The following TMEM69 variants were observed in gnomAD, a reference collection of about 807,000 sequenced individuals.
TMEM69 encodes chromosome 1 open reading frame 154.
In TMEM69, 17 loss-of-function variants were observed where a neutral mutation model predicts 15.8. That is an observed-to-expected ratio of 1.07 (90% CI 0.73 to 1.61). The LOEUF (loss-of-function observed/expected upper bound fraction) is 1.61. Ranked by LOEUF, TMEM69 falls within the 40% of genes most tolerant of loss-of-function variation. The pLI is 0.00. For missense variants in TMEM69, 230 were observed against 286.1 expected (o/e 0.80, Z 1.41); for synonymous variants, 80 against 98.6 (o/e 0.81, Z 1.12).
At chr1:45,692,066 G>C (rs1645348290) in intron 2 of TMEM69, among the ~76,000 whole-genome samples, 1 of 152,108 alleles carries the variant, frequency 6.6e-6, no homozygotes, top group Non-Finnish European at 1.5e-5. Flanking sequence ...AGAATCGCTT[G>C]AACCTGGGAG....
chr1:45,688,840 A>G (rs182273748), intron 1 of TMEM69, among the ~76,000 whole-genome samples: 1 of 152,048 alleles, frequency 6.6e-6, no homozygotes, highest in Non-Finnish European at 1.5e-5. Context: ...TGAAGACATT[A>G]ACTGGTATAC....
At chr1:45,690,944 A>C in intron 1 of TMEM69, 30 bp from the exon 2 acceptor site, 1 of 961,888 alleles carries the variant, frequency 1.0e-6, no homozygotes, top group South Asian at 1.4e-5. Context: ...AAAATGAGGA[A>C]AATTAAGTGA....
intron 2 of TMEM69, among the ~76,000 whole-genome samples, 185 bp downstream of exon 2, chr1:45,691,295 G>T (rs1270612638): frequency 6.6e-6 from 1 of 152,150 alleles, no homozygotes; most frequent in Non-Finnish European, 1.5e-5. Flanking sequence ...CACGCCTGTA[G>T]TCCCAGCAAT....
rs200524125 is a variant in TMEM69, at chr1:45,693,309, C to A, written c.148C>A (p.Leu50Ile). The change falls in exon 3 of 3, where the codon CTT (leucine) becomes ATT (isoleucine). Residue 50 changes from leucine to isoleucine, a missense_variant. Physicochemically the swap from Leu to Ile is conservative, Grantham distance 5. Coordinates refer to ENST00000372025, the MANE Select transcript of TMEM69 (RefSeq NM_016486.4). ...QNFSPCPRPW[L>I]SSSFPAYMSK... ...CTTTTCCCCATGTCCAAGGCCTTGG[C>A]TTTCCTCATCATTTCCAGCGTATAT... The A allele has an allele frequency of 6.2e-7, 1 of 1,614,188 alleles. No homozygotes were observed. The highest frequency in any genetic ancestry group is 2.2e-5 in the East Asian group (1 of 44,892).
chr1:45,691,318 G>A (rs1645343726), intron 2 of TMEM69, among the ~76,000 whole-genome samples: 1 of 152,182 alleles, frequency 6.6e-6, no homozygotes, highest in African/African-American at 2.4e-5. Flanking sequence ...GGCAGGCCGA[G>A]GTGGGTGGGA....
intron 1 of TMEM69, 122 bp from the exon 2 acceptor site, chr1:45,690,852 C>T: frequency 1.7e-6 from 1 of 588,666 alleles, no homozygotes. Flanking sequence ...TACTGTGTTA[C>T]CGACAGTTTG....
chr1:45,690,769 GCATT>G (rs1645339555), intron 1 of TMEM69, among the ~76,000 whole-genome samples: 1 of 152,058 alleles, frequency 6.6e-6, no homozygotes, highest in African/African-American at 2.4e-5. Context: ...ATCTCTATGT[GCATT>G]ACTCTTTCTA....
In TMEM69 at chr1:45,689,837, C is replaced by CA. The variant is rs200273104; in HGVS notation, c.-95-1128dup. On this transcript the variant is annotated intron_variant, in intron 1 of 2. Coordinates refer to ENST00000372025, the MANE Select transcript of TMEM69 (RefSeq NM_016486.4). ...TGGGCGACAGAGCAAGACTCCGTCT[C>CA]AAAAAAAAATTGGCTGGGCATGGTG... Among the ~76,000 whole-genome samples the CA allele has an allele frequency of 5.7e-4, 86 of 150,154 alleles. No homozygotes were observed. The East Asian group carries it at 0.013, about 23-fold the overall frequency.
At position 45,693,185 on chromosome 1, in the gene TMEM69, G is replaced by T; in HGVS notation, c.43-19G>T. The T allele has an allele frequency of 1.3e-6, 2 of 1,518,858 alleles. No homozygotes were observed. The highest frequency in any genetic ancestry group is 8.9e-7 in the Non-Finnish European group (1 of 1,122,172). 94.1% of individuals were successfully genotyped at this position (1,518,858 alleles called of 1,614,324 possible). ...ATATATATTTTTAATTTTGTCTTTTGGTTCTATTTTCTTTGTAGATACTGA... is the reference window on the plus strand; with the variant it reads ...ATATATATTTTTAATTTTGTCTTTTTGTTCTATTTTCTTTGTAGATACTGA... On this transcript the variant is annotated intron_variant, in intron 2 of 2. Transcript: ENST00000372025.
rs1569926723 is a variant in TMEM69 at position 45,693,608 on chromosome 1, A to G, written c.447A>G (p.Leu149=). ...GTGGGATCAGATGGGGTTTTGCTCT[A>G]CCAGAAGGTAGTCCAGCCAAACCAG... ...FLGGIRWGFA[L]PEGSPAKPDY... is the part of the protein sequence containing the mutation. Residue 149 remains leucine, a synonymous_variant, in exon 3 of 3, where the codon CTA becomes CTG. Coordinates refer to ENST00000372025, the MANE Select transcript of TMEM69 (RefSeq NM_016486.4). 5 of 1,614,138 alleles carry G rather than the reference A, an allele frequency of 3.1e-6. No individual in the cohort carries two copies. In the East Asian group the frequency reaches 1.1e-4, roughly 36 times the overall value.
chr1:45,693,156 A>C, intron 2 of TMEM69, 48 bp from the exon 3 acceptor site: 2 of 1,349,782 alleles, frequency 1.5e-6, no homozygotes, highest in South Asian at 2.9e-5. Context: ...ATCTGATGAT[A>C]CATATATATA....
rs1202659928 is a variant in TMEM69 at position 45,693,695 on chromosome 1, T to A, written c.534T>A (p.Ile178=). 1.2e-6 allele frequency: 2 copies of A among 1,614,188 alleles called. No individual in the cohort carries two copies. The highest frequency in any genetic ancestry group is 1.1e-5 in the South Asian group (1 of 91,086). The change falls in exon 3 of 3, where the codon ATT becomes ATA. Residue 178 remains isoleucine (I), a synonymous_variant. Coordinates refer to ENST00000372025, the MANE Select transcript of TMEM69 (RefSeq NM_016486.4). ...TCTTTTCATGGTTTGCCTTCCTTAT[T>A]TCTGAAAGACTTAGTGAAGCCATAG... ...PLFFSWFAFL[I]SERLSEAIVT... is the part of the protein sequence containing the mutation.
rs1645357613 is a variant in TMEM69 at position 45,693,308 on chromosome 1, G to A, written c.147G>A (p.Trp49Ter). The A allele has an allele frequency of 6.2e-7, 1 of 1,614,060 alleles. No individual in the cohort carries two copies. Among genetic ancestry groups the A allele is most frequent in the East Asian group, 2.2e-5 (1 of 44,882 alleles). The change falls in exon 3 of 3, where the codon TGG (tryptophan) becomes TGA (stop). Residue 49 changes from tryptophan (W) to a stop codon, truncating the protein, a stop_gained. Coordinates refer to ENST00000372025, the MANE Select transcript of TMEM69 (RefSeq NM_016486.4). LOFTEE classifies it high-confidence loss of function. ...QQNFSPCPRP[W>*]LSSSFPAYMS... ...ACTTTTCCCCATGTCCAAGGCCTTG[G>A]CTTTCCTCATCATTTCCAGCGTATA...
rs1220504117 is a variant in TMEM69 at position 45,693,801 on chromosome 1, C to T, written c.640C>T (p.Leu214=). The change falls in exon 3 of 3, where the codon CTG becomes TTG. Residue 214 remains leucine, a synonymous_variant. Coordinates refer to ENST00000372025, the MANE Select transcript of TMEM69 (RefSeq NM_016486.4). ...ACATTATCCCAACTGGTTTAAAGCC[C>T]TGAGGATAGTAGTCACTTTATTGGC... ...LPHYPNWFKA[L]RIVVTLLATF... is the part of the protein sequence containing the mutation. The T allele has an allele frequency of 6.2e-7, 1 of 1,614,104 alleles. No individual in the cohort carries two copies. The highest frequency in any genetic ancestry group is 8.5e-7 in the Non-Finnish European group (1 of 1,180,008).
intron 2 of TMEM69, among the ~76,000 whole-genome samples, chr1:45,692,468 G>A (rs1316172682): frequency 6.6e-6 from 1 of 152,154 alleles, no homozygotes; most frequent in Non-Finnish European, 1.5e-5. Flanking sequence ...CGTGTACAAT[G>A]AAAGGCAGTG....
chr1:45,694,133 GTT>G lies in TMEM69; in HGVS notation c.*231_*232del, dbSNP rs36042714. 8.2e-6 allele frequency: 3 copies of G among 366,160 alleles called. No homozygotes were observed. Among genetic ancestry groups the G allele is most frequent in the Non-Finnish European group, 1.4e-5 (3 of 207,028 alleles). 22.7% of individuals were successfully genotyped at this position (366,160 alleles called of 1,614,324 possible). A position where few individuals can be genotyped will look rare whatever the true frequency, so the allele number is the denominator to read the frequency against. On this transcript the variant is annotated 3_prime_UTR_variant, in exon 3 of 3. Coordinates refer to ENST00000372025, the MANE Select transcript of TMEM69 (RefSeq NM_016486.4). The stretch of plus-strand genomic sequence containing the variant: ...ATTAAAGTTTACTTTTTAGTTAAAA[GTT>G]TTAAAAATATATATATATAAATACA...
rs747381423 is a variant in TMEM69, at chr1:45,691,021, C to T, written c.-48C>T. 26 of 1,611,918 alleles carry T rather than the reference C, an allele frequency of 1.6e-5. No homozygotes were observed. The highest frequency in any genetic ancestry group is 2.1e-5 in the Non-Finnish European group (25 of 1,178,292). On this transcript the variant is annotated 5_prime_UTR_variant, in exon 2 of 3. Transcript: ENST00000372025. ...CTCTGCTTAGCTGTAACATGTTAAT[C>T]AGAACTACCTGGCATCTTCCTGAAC...
At chr1:45,692,741 T>A (rs1299342466) in intron 2 of TMEM69, among the ~76,000 whole-genome samples, 1 of 152,210 alleles carries the variant, frequency 6.6e-6, no homozygotes, top group Non-Finnish European at 1.5e-5. Flanking sequence ...GGTGTGGAAC[T>A]GTGAAAAGTA....
In TMEM69 at chr1:45,694,289, A is replaced by C. The variant is rs1645367154; in HGVS notation, c.*384A>C. ...TAGAAATTGTTACTTCATGGTAATT[A>C]CTTGAGCAAAAGCTTGAAAATCCCT... is the stretch of plus-strand genomic sequence containing the variant. On this transcript the variant is annotated 3_prime_UTR_variant, in exon 3 of 3. Transcript: ENST00000372025. The C allele has an allele frequency of 1.6e-6, 1 of 630,220 alleles. No individual in the cohort carries two copies. Among genetic ancestry groups the C allele is most frequent in the African/African-American group, 1.9e-5 (1 of 53,838 alleles). The allele number at this position is 630,220 out of a possible 1,614,324, so 39.0% of individuals were successfully genotyped here.
Sources: allele counts gnomAD v4.1 joint callset (sites outside exome capture counted in the v4.1 genomes callset), GRCh38; gene constraint gnomAD v4.1.1; transcripts MANE v1.5; gene names NCBI Gene and HGNC (gene_info 2026-07-23, HGNC 2026-07-21).